The following EYS variants were observed in gnomAD, a reference collection of about 807,000 sequenced individuals.
EYS encodes the protein protein eyes shut homolog.
A neutral mutation model predicts 282.1 loss-of-function variants in EYS; 250 were observed. That is an observed-to-expected ratio of 0.89 (90% CI 0.80 to 0.98). EYS has a LOEUF of 0.98. EYS is among the 50% of genes least tolerant of loss of function. The pLI is 0.00. For synonymous variants in EYS, 1,355 were observed against 1,282.9 expected (o/e 1.06, Z -1.20); for missense variants, 4,016 against 3,709.0 (o/e 1.08, Z -2.15).
chr6:64,946,080 G>A (rs780150062), intron 14 of EYS, among the ~76,000 whole-genome samples, 166 bp from the exon 15 acceptor site: 27 of 151,954 alleles, frequency 1.8e-4, no homozygotes, highest in South Asian at 4.1e-4. Flanking sequence ...TTTTAAAAGC[G>A]TGTGAACAGT....
chr6:65,050,840 A>T (rs879487627), intron 13 of EYS, among the ~76,000 whole-genome samples: 5 of 151,722 alleles, frequency 3.3e-5, no homozygotes, highest in Non-Finnish European at 5.9e-5. Context: ...ACAAGTTCCC[A>T]TAACAGAGTG....
chr6:65,490,008 A>G (rs1258593855), intron 5 of EYS: 1 of 152,324 alleles, frequency 6.6e-6, no homozygotes, highest in Non-Finnish European at 1.5e-5. Context: ...GCATAGCATT[A>G]GGAGAAATAC....
At chr6:63,734,852 A>C (rs1283039720) in intron 41 of EYS, among the ~76,000 whole-genome samples, 1 of 152,142 alleles carries the variant, frequency 6.6e-6, no homozygotes, top group East Asian at 1.9e-4. Context: ...CTAATAGATC[A>C]AGCAACAGAG....
chr6:64,677,931 A>T (rs933938289), intron 22 of EYS, among the ~76,000 whole-genome samples: 20 of 152,286 alleles, frequency 1.3e-4, no homozygotes, highest in Non-Finnish European at 5.9e-5. Context: ...AGTAAAAAAA[A>T]AAATGACTAT....
rs10650454 is a variant in EYS at position 65,680,086 on chromosome 6, TCACACACA to T, written c.-448+27041_-448+27048del. Among the ~76,000 whole-genome samples, 26 of 147,390 alleles carry T rather than the reference TCACACACA, an allele frequency of 1.8e-4. No homozygotes were observed. The East Asian group carries it at 4.8e-3, about 27-fold the overall frequency. ...ATATATATTATGCGCTCCTAAATTT[TCACACACA>T]CACACACACACACACACACACAAAG... On this transcript the variant is annotated intron_variant, in intron 1 of 42. Transcript: ENST00000503581.
At chr6:64,067,332 C>A (rs937577991) in intron 32 of EYS, among the ~76,000 whole-genome samples, 3 of 152,080 alleles carry the variant, frequency 2.0e-5, no homozygotes, top group Admixed American at 6.6e-5. Flanking sequence ...AAACATCACC[C>A]AAATTAAGGA....
chr6:65,311,899 A>G (rs1306461585), intron 11 of EYS, among the ~76,000 whole-genome samples: 2 of 152,242 alleles, frequency 1.3e-5, no homozygotes, highest in African/African-American at 4.8e-5. Flanking sequence ...CTTTTCTGGT[A>G]TAAGTATGTC....
intron 30 of EYS, among the ~76,000 whole-genome samples, chr6:64,250,672 T>C: frequency 6.6e-6 from 1 of 152,198 alleles, no homozygotes; most frequent in Non-Finnish European, 1.5e-5. Context: ...AATTTACCGA[T>C]AAATTCGTGC....
chr6:65,418,687 A>G (rs1767335516), intron 5 of EYS, among the ~76,000 whole-genome samples: 1 of 151,952 alleles, frequency 6.6e-6, no homozygotes, highest in Admixed American at 6.6e-5. Context: ...TTGAGAACAC[A>G]TGGAAACAGA....
chr6:64,404,781 G>A (rs2150438809), intron 28 of EYS, among the ~76,000 whole-genome samples: 2 of 152,220 alleles, frequency 1.3e-5, no homozygotes, highest in Middle Eastern at 3.4e-3. Context: ...TCAGTGGACT[G>A]GCAGAATTAG....
intron 2 of EYS, among the ~76,000 whole-genome samples, chr6:65,625,242 C>T (rs887323973): frequency 1.3e-5 from 2 of 152,114 alleles, no homozygotes; most frequent in Non-Finnish European, 2.9e-5. Flanking sequence ...TTATATTCCC[C>T]GAAAAGCCAT....
At chr6:65,351,848 T>C (rs981108041) in intron 9 of EYS, among the ~76,000 whole-genome samples, 4 of 151,792 alleles carry the variant, frequency 2.6e-5, no homozygotes, top group African/African-American at 9.7e-5. Flanking sequence ...AGTTCACCAT[T>C]AGTATGTTTC....
chr6:64,074,012 A>G (rs1771680020), intron 32 of EYS, among the ~76,000 whole-genome samples: 1 of 151,790 alleles, frequency 6.6e-6, no homozygotes, highest in Non-Finnish European at 1.5e-5. Context: ...AAGTTGGTGC[A>G]GAAGTAATGC....
At chr6:65,473,881 G>A (rs1051846537) in intron 5 of EYS, among the ~76,000 whole-genome samples, 3 of 151,258 alleles carry the variant, frequency 2.0e-5, no homozygotes, top group Non-Finnish European at 4.4e-5. Flanking sequence ...GAATGATTCA[G>A]AAAGTGAGAG....
chr6:65,617,776 T>C (rs944416278), intron 2 of EYS, among the ~76,000 whole-genome samples: 2 of 148,640 alleles, frequency 1.3e-5, no homozygotes, highest in African/African-American at 5.0e-5. Context: ...TTGTTCAATT[T>C]CCACCAATGA....
At chr6:65,434,298 G>C (rs1767983922) in intron 5 of EYS, among the ~76,000 whole-genome samples, 1 of 151,856 alleles carries the variant, frequency 6.6e-6, no homozygotes, top group Admixed American at 6.6e-5. Flanking sequence ...GGTTATATCA[G>C]GGACATTTTC....
intron 5 of EYS, among the ~76,000 whole-genome samples, chr6:65,460,777 A>G (rs755004915): frequency 2.6e-5 from 4 of 152,090 alleles, no homozygotes; most frequent in African/African-American, 4.8e-5. Context: ...ATATAGATCA[A>G]TTAGTTCACA....
chr6:64,319,350 A>G (rs6454791), intron 29 of EYS, among the ~76,000 whole-genome samples: 108,802 of 151,824 alleles, frequency 0.72, 39,184 homozygotes, highest in African/African-American at 0.79. Flanking sequence ...TAGAAATGTA[A>G]AAAAAATGAG....
At chr6:64,237,602 T>A (rs907877418) in intron 30 of EYS, among the ~76,000 whole-genome samples, 1 of 152,204 alleles carries the variant, frequency 6.6e-6, no homozygotes, top group Non-Finnish European at 1.5e-5. Context: ...ATCCAGAAAA[T>A]AATTCAATTG....
Sources: gnomAD v4.1 joint callset for allele counts (sites outside exome capture counted in the v4.1 genomes callset) on GRCh38, gnomAD v4.1.1 for gene constraint, MANE v1.5 for transcripts, NCBI Gene and HGNC (gene_info 2026-07-23, HGNC 2026-07-21) for gene names.